The following CSNK1G2 variants were observed in gnomAD, a reference collection of about 807,000 sequenced individuals.
CSNK1G2 encodes casein kinase 1 gamma 2, also known as casein kinase I isoform gamma-2.
A neutral mutation model predicts 48.0 loss-of-function variants in CSNK1G2; 11 were observed. The ratio of observed to expected loss-of-function variants is 0.23; its 90% CI spans 0.14 to 0.38. CSNK1G2 has a LOEUF of 0.38. Among genes scored for constraint, CSNK1G2 ranks in the 10% least tolerant of loss-of-function variants. The probability of loss-of-function intolerance (pLI) is 1.00; values close to 1 mark genes in which losing one functional copy is unlikely to be tolerated. For missense variants in CSNK1G2, 446 were observed against 595.5 expected (o/e 0.75, Z 2.61); for synonymous variants, 337 against 254.1 (o/e 1.33, Z -3.10).
At chr19:1,950,471 C>T (rs907190583) in intron 1 of CSNK1G2, among the ~76,000 whole-genome samples, 4 of 147,096 alleles carry the variant, frequency 2.7e-5, no homozygotes, top group Non-Finnish European at 5.9e-5. Flanking sequence ...CAAAAGAGAA[C>T]TCAGCAGTGT....
At chr19:1,964,342 T>G (rs1814653878) in intron 1 of CSNK1G2, among the ~76,000 whole-genome samples, 1 of 151,702 alleles carries the variant, frequency 6.6e-6, no homozygotes, top group Non-Finnish European at 1.5e-5. Context: ...GATTAAGTGT[T>G]CCTTGAGACG....
At position 1,978,847 on chromosome 19, in the gene CSNK1G2, G is replaced by T. The variant is rs530792278; in HGVS notation, c.448-12G>T. 3,000 of 1,597,766 alleles carry T rather than the reference G, an allele frequency of 1.9e-3. 68 individuals are homozygous for T. The South Asian group carries it at 0.031, about 16-fold the overall frequency. ...GGAGGGGCCCGGCCGACACCGCCGTGCCCCCCTGCAGATCACGCGCATGGA... is the reference window on the plus strand; with the variant it reads ...GGAGGGGCCCGGCCGACACCGCCGTTCCCCCCTGCAGATCACGCGCATGGA... On this transcript the variant is annotated splice_polypyrimidine_tract_variant and intron_variant, in intron 5 of 11. Coordinates refer to ENST00000255641, the MANE Select transcript of CSNK1G2 (RefSeq NM_001319.7). The surrounding 1 kb of genome is among the most constrained non-coding windows in gnomAD (Gnocchi z 7.3).
intron 1 of CSNK1G2, among the ~76,000 whole-genome samples, chr19:1,945,282 C>T (rs1258457235): frequency 6.6e-6 from 1 of 152,240 alleles, no homozygotes; most frequent in African/African-American, 2.4e-5. Flanking sequence ...CCAGGCTCCC[C>T]CGGCAGCACT....
At chr19:1,977,784 G>T (rs76396580) in intron 2 of CSNK1G2, among the ~76,000 whole-genome samples, 3,268 of 148,784 alleles carry the variant, frequency 0.022, 122 homozygotes, top group African/African-American at 0.077. Context: ...TCTGGGCCTC[G>T]TACCTTCTGC....
chr19:1,975,894 G>A (rs1433283137), intron 2 of CSNK1G2: 1 of 640,828 alleles, frequency 1.6e-6, no homozygotes, highest in Non-Finnish European at 1.9e-6. Context: ...AAATTAGCCA[G>A]GTTGATGGTG....
chr19:1,968,274 G>T (rs182978850), intron 1 of CSNK1G2, among the ~76,000 whole-genome samples: 1 of 72,828 alleles, frequency 1.4e-5, no homozygotes, highest in Non-Finnish European at 2.4e-5. Flanking sequence ...GGCTGCCCCC[G>T]ACCACCCTTC....
chr19:1,942,773 G>A (rs529818781), intron 1 of CSNK1G2, among the ~76,000 whole-genome samples: 2 of 152,202 alleles, frequency 1.3e-5, no homozygotes, highest in African/African-American at 4.8e-5. Flanking sequence ...CCTCTGTGCA[G>A]AGGAAAGACT....
At chr19:1,947,246 C>T (rs1331053346) in intron 1 of CSNK1G2, among the ~76,000 whole-genome samples, 1 of 152,230 alleles carries the variant, frequency 6.6e-6, no homozygotes, top group African/African-American at 2.4e-5. Context: ...GACAGAGTCC[C>T]TGCCTGTGAG....
chr19:1,960,391 C>T (rs1320534667), intron 1 of CSNK1G2, among the ~76,000 whole-genome samples: 3 of 152,198 alleles, frequency 2.0e-5, no homozygotes, highest in African/African-American at 7.2e-5. Context: ...AGCCTCCAGC[C>T]CTCGTCGAGA....
intron 2 of CSNK1G2, among the ~76,000 whole-genome samples, chr19:1,971,839 G>A (rs972219237): frequency 6.9e-6 from 1 of 145,506 alleles, no homozygotes; most frequent in Non-Finnish European, 1.5e-5. Flanking sequence ...GCGCAATCTC[G>A]GCTCACTGCA....
rs533601160 is a variant in CSNK1G2, at chr19:1,981,271, C to T, written c.*1068C>T. The T allele has an allele frequency of 6.6e-6, 1 of 152,330 alleles. No homozygotes were observed. Among genetic ancestry groups the T allele is most frequent in the East Asian group, 1.9e-4 (1 of 5,182 alleles). The allele number at this position is 152,330 out of a possible 1,614,324, so 9.4% of individuals were successfully genotyped here. A position where few individuals can be genotyped will look rare whatever the true frequency, so the allele number is the denominator to read the frequency against. On this transcript the variant is annotated 3_prime_UTR_variant, in exon 12 of 12. Coordinates refer to ENST00000255641, the MANE Select transcript of CSNK1G2 (RefSeq NM_001319.7). ...GTACAGAAATGGCATTTACGTTTCT[C>T]TGATGCTCCCTTGAAGCCATAGAAT...
intron 1 of CSNK1G2, among the ~76,000 whole-genome samples, chr19:1,966,445 C>T (rs147492157): frequency 6.6e-6 from 1 of 152,302 alleles, no homozygotes; most frequent in Non-Finnish European, 1.5e-5. Flanking sequence ...AAAACTTTAA[C>T]ACGTGAGGAG....
chr19:1,951,838 AGCTGG>A (rs2014774839), intron 1 of CSNK1G2, among the ~76,000 whole-genome samples: 2 of 151,122 alleles, frequency 1.3e-5, no homozygotes, highest in Admixed American at 6.6e-5. Context: ...CCGCCACCAC[AGCTGG>A]CTAATTTTTT....
chr19:1,947,898 G>A (rs111412162), intron 1 of CSNK1G2, among the ~76,000 whole-genome samples: 2 of 152,152 alleles, frequency 1.3e-5, no homozygotes, highest in Non-Finnish European at 2.9e-5. Flanking sequence ...GCTGCCCCTT[G>A]GACCTCGCCC....
intron 1 of CSNK1G2, among the ~76,000 whole-genome samples, chr19:1,947,855 C>G (rs2014618806): frequency 6.6e-6 from 1 of 152,190 alleles, no homozygotes; most frequent in Middle Eastern, 3.2e-3. Flanking sequence ...CCTGGGTGGA[C>G]CGTGGCTGCC....
chr19:1,952,871 G>A (rs780024054), intron 1 of CSNK1G2: 36 of 429,286 alleles, frequency 8.4e-5, no homozygotes, highest in Non-Finnish European at 3.7e-5. Context: ...CAGCCCTCGT[G>A]GGGATCATCA....
intron 1 of CSNK1G2, among the ~76,000 whole-genome samples, chr19:1,946,672 G>A (rs1306443935): frequency 6.7e-6 from 1 of 148,506 alleles, no homozygotes; most frequent in Non-Finnish European, 1.5e-5. Flanking sequence ...GAGTGCAGTG[G>A]CGCAATCTTG....
At chr19:1,949,692 C>T (rs905420277) in intron 1 of CSNK1G2, among the ~76,000 whole-genome samples, 2 of 152,258 alleles carry the variant, frequency 1.3e-5, no homozygotes, top group African/African-American at 4.8e-5. Context: ...GAGCCGCAGA[C>T]GGCCATCCAT....
chr19:1,968,350 GT>G (rs1270704386), intron 1 of CSNK1G2, among the ~76,000 whole-genome samples: 1 of 151,586 alleles, frequency 6.6e-6, no homozygotes, highest in East Asian at 1.9e-4. Context: ...AGTTCTGCAG[GT>G]GGGGCTCCTC....
Sources: gnomAD v4.1 joint callset for allele counts (sites outside exome capture counted in the v4.1 genomes callset) on GRCh38, gnomAD v4.1.1 for gene constraint, Gnocchi (gnomAD v3.1) non-coding constraint, MANE v1.5 for transcripts, NCBI Gene and HGNC (gene_info 2026-07-23, HGNC 2026-07-21) for gene names.